Variants in FAM200B observed in about 807,000 individuals in gnomAD.
The protein encoded by FAM200B is zinc finger BED-type containing 11.
FAM200B carries 32 observed loss-of-function variants against 33.1 expected under a neutral mutation model. The ratio of observed to expected loss-of-function variants is 0.97; its 90% CI spans 0.73 to 1.30. The LOEUF (loss-of-function observed/expected upper bound fraction) is 1.30, where lower values mean the gene tolerates loss of function less well. FAM200B is among the 50% of genes most tolerant of loss of function. The pLI, the probability that FAM200B is intolerant of heterozygous loss-of-function variation, is 0.00. For missense variants in FAM200B, 741 were observed against 754.0 expected, an observed-to-expected ratio of 0.98 and a Z score of 0.20; for synonymous variants, 240 against 264.8, an observed-to-expected ratio of 0.91 and a Z score of 0.91.
At chr4:15,654,232 T>C in the FAM200B span, among the ~76,000 whole-genome samples, 2 of 152,354 alleles carry the variant, frequency 1.3e-5, no homozygotes, top group Middle Eastern at 3.4e-3. Flanking sequence ...GCTTAAACAG[T>C]AGTCATTTGA....
chr4:15,655,622 A>G, the FAM200B span, among the ~76,000 whole-genome samples: 9 of 152,310 alleles, frequency 5.9e-5, no homozygotes, highest in East Asian at 1.5e-3. Context: ...GGGTAGGGGA[A>G]AGTCGTTGCA....
the FAM200B span, chr4:15,655,160 C>A: frequency 7.5e-7 from 1 of 1,337,820 alleles, no homozygotes; most frequent in South Asian, 1.5e-5. Context: ...CGCTCCCCAT[C>A]GCCGCCCGCA....
chr4:15,638,738 G>C, the FAM200B span: 1 of 1,247,202 alleles, frequency 8.0e-7, no homozygotes, highest in Non-Finnish European at 1.1e-6. Flanking sequence ...CTTCATTCGT[G>C]TTGATTTACT....
the FAM200B span, chr4:15,638,726 T>C: frequency 7.2e-7 from 1 of 1,388,250 alleles, no homozygotes; most frequent in Non-Finnish European, 1.0e-6. Flanking sequence ...CGAGGAAAGA[T>C]GCTTCATTCG....
chr4:15,652,240 CAGG>C, the FAM200B span, among the ~76,000 whole-genome samples: 3 of 152,172 alleles, frequency 2.0e-5, no homozygotes, highest in Non-Finnish European at 4.4e-5. Context: ...AGTGAATTAG[CAGG>C]AGATTTCTTA....
the FAM200B span, among the ~76,000 whole-genome samples, chr4:15,663,472 A>G: frequency 6.6e-6 from 1 of 152,188 alleles, no homozygotes; most frequent in Non-Finnish European, 1.5e-5. Context: ...GTCTGGGTTC[A>G]AATCTCAGCT....
Position 15,688,997 on chromosome 4 carries a change from G to A in FAM200B, c.*46G>A. 1.5e-6 allele frequency: 2 copies of A among 1,336,044 alleles called. No homozygotes were observed. Among genetic ancestry groups the A allele is most frequent in the Non-Finnish European group, 2.0e-6 (2 of 1,023,206 alleles). 82.8% of individuals were successfully genotyped at this position (1,336,044 alleles called of 1,614,324 possible). A position where few individuals can be genotyped will look rare whatever the true frequency, so the allele number is the denominator to read the frequency against. ...CTTTTGTCTTTGTATTTCTTATTTT[G>A]TAGTATTTTTCTATGTTATATTTAA... On this transcript the variant is annotated 3_prime_UTR_variant, in exon 2 of 2. Coordinates refer to ENST00000422728, the MANE Select transcript of FAM200B (RefSeq NM_001145191.2).
chr4:15,667,270 C>T, the FAM200B span, among the ~76,000 whole-genome samples: 1 of 152,288 alleles, frequency 6.6e-6, no homozygotes, highest in East Asian at 1.9e-4. Flanking sequence ...AAAACATGTA[C>T]AAGTACCTAG....
the FAM200B span, among the ~76,000 whole-genome samples, chr4:15,650,125 G>A: frequency 4.6e-5 from 7 of 152,086 alleles, no homozygotes; most frequent in African/African-American, 9.7e-5. Flanking sequence ...TGTCACCACC[G>A]GAAATGTACT....
At chr4:15,682,039 C>G (rs888619727) in intron 1 of FAM200B, 138 bp downstream of exon 1, 1 of 152,288 alleles carries the variant, frequency 6.6e-6, no homozygotes, top group Non-Finnish European at 1.5e-5. Context: ...CAGAAGCAAT[C>G]CGGGCCTGAA....
the FAM200B span, among the ~76,000 whole-genome samples, chr4:15,671,127 T>C: frequency 2.0e-5 from 3 of 151,988 alleles, no homozygotes; most frequent in Non-Finnish European, 2.9e-5. Flanking sequence ...TTTCTCCATG[T>C]TGGCCAGGCT....
intron 1 of FAM200B, among the ~76,000 whole-genome samples, chr4:15,683,536 C>T (rs1039364678): frequency 1.3e-5 from 2 of 152,026 alleles, no homozygotes; most frequent in Non-Finnish European, 2.9e-5. Flanking sequence ...ACAATTGCTT[C>T]TAAGAGATAA....
the FAM200B span, among the ~76,000 whole-genome samples, chr4:15,643,895 G>T: frequency 6.6e-6 from 1 of 152,136 alleles, no homozygotes; most frequent in Non-Finnish European, 1.5e-5. Flanking sequence ...TTTCAGACTT[G>T]GTGAGTAGCA....
chr4:15,682,395 A>G (rs150718029), intron 1 of FAM200B, among the ~76,000 whole-genome samples: 1 of 152,218 alleles, frequency 6.6e-6, no homozygotes, highest in Non-Finnish European at 1.5e-5. Flanking sequence ...AAACAAAACT[A>G]TAACACATGT....
the FAM200B span, among the ~76,000 whole-genome samples, chr4:15,643,718 T>A: frequency 6.6e-6 from 1 of 152,218 alleles, no homozygotes; most frequent in African/African-American, 2.4e-5. Context: ...CTGGCTGGTA[T>A]TCAATTCTAA....
the FAM200B span, among the ~76,000 whole-genome samples, chr4:15,653,975 T>C: frequency 2.0e-5 from 3 of 152,244 alleles, no homozygotes; most frequent in Admixed American, 6.5e-5. Flanking sequence ...ACAGTCCTGG[T>C]GTTTCCAACT....
At position 15,687,684 on chromosome 4, in the gene FAM200B, G is replaced by A; in HGVS notation, c.707G>A (p.Gly236Glu). 3 of 1,551,258 alleles carry A rather than the reference G, an allele frequency of 1.9e-6. No homozygotes were observed. Among genetic ancestry groups the A allele is most frequent in the Non-Finnish European group, 2.6e-6 (3 of 1,146,780 alleles). Residue 236 changes from glycine (G) to glutamate (E), a missense_variant, in exon 2 of 2, where the codon GGA (glycine) becomes GAA (glutamate). Transcript: ENST00000422728. ...CAGCTTGATGAAAGCACTGATATTG[G>A]AAGCTGCACAACACTTTTAGTTTAT... is the stretch of plus-strand genomic sequence containing the variant. ...AIQLDESTDIGSCTTLLVYVR... is the reference protein window; with the variant it reads ...AIQLDESTDIESCTTLLVYVR...
the FAM200B span, among the ~76,000 whole-genome samples, chr4:15,654,899 G>A: frequency 6.6e-6 from 1 of 152,254 alleles, no homozygotes; most frequent in East Asian, 1.9e-4. Flanking sequence ...CAGCGCGGCG[G>A]TGGGGCCGGC....
chr4:15,669,827 T>C, the FAM200B span, among the ~76,000 whole-genome samples: 1 of 152,218 alleles, frequency 6.6e-6, no homozygotes, highest in Admixed American at 6.5e-5. Flanking sequence ...TTTACTGATA[T>C]TTTCAGCATT....
Sources: gnomAD v4.1 joint callset for allele counts (sites outside exome capture counted in the v4.1 genomes callset) on GRCh38, gnomAD v4.1.1 for gene constraint, MANE v1.5 for transcripts, NCBI Gene and HGNC (gene_info 2026-07-23, HGNC 2026-07-21) for gene names.